RAB38: variants seen among roughly 807,000 people sequenced by gnomAD.
RAB38 encodes the protein ras-related protein Rab-38.
Under a neutral mutation model 18.4 loss-of-function variants are expected in RAB38, and 15 were observed. The ratio of observed to expected loss-of-function variants is 0.82; its 90% CI spans 0.55 to 1.26. The LOEUF is 1.26. Ranked by LOEUF, RAB38 falls within the 50% of genes most tolerant of loss-of-function variation. The pLI is 0.00. For missense variants in RAB38, 294 were observed against 267.4 expected, an observed-to-expected ratio of 1.10 and a Z score of -0.69; for synonymous variants, 101 against 104.4, an observed-to-expected ratio of 0.97 and a Z score of 0.20.
At chr11:88,025,137 C>T in the RAB38 span, among the ~76,000 whole-genome samples, 1 of 151,582 alleles carries the variant, frequency 6.6e-6, no homozygotes, top group African/African-American at 2.4e-5. Context: ...CTCATATTTA[C>T]ACCTACTATG....
rs1165051306 is a variant in RAB38, at chr11:88,149,969, GAAATAA to G, written c.203-20_203-15del. 1 of 1,580,102 alleles carries G rather than the reference GAAATAA, an allele frequency of 6.3e-7. No individual in the cohort carries two copies. The highest frequency in any genetic ancestry group is 8.6e-7 in the Non-Finnish European group (1 of 1,164,880). Reference sequence around the variant, plus strand: ...ATCTTTCTTGACCTGACACCAAAAAGAAATAAAAATAAAAATGTATTAAAATTGCAA... The same window carrying G: ...ATCTTTCTTGACCTGACACCAAAAAGAAATAAAAATGTATTAAAATTGCAA... On this transcript the variant is annotated splice_polypyrimidine_tract_variant and intron_variant, in intron 1 of 2. Transcript: ENST00000243662.
the RAB38 span, among the ~76,000 whole-genome samples, chr11:87,806,768 G>A: frequency 6.6e-6 from 1 of 152,182 alleles, no homozygotes; most frequent in Non-Finnish European, 1.5e-5. Flanking sequence ...ATTAATCAAT[G>A]TTGCACTGAG....
chr11:87,916,874 A>G, the RAB38 span, among the ~76,000 whole-genome samples: 1 of 152,172 alleles, frequency 6.6e-6, no homozygotes, highest in African/African-American at 2.4e-5. Context: ...GATGTTTTGT[A>G]TACATAGTGG....
At chr11:87,804,642 G>A in the RAB38 span, among the ~76,000 whole-genome samples, 2 of 151,794 alleles carry the variant, frequency 1.3e-5, no homozygotes, top group Middle Eastern at 3.2e-3. Flanking sequence ...TTTCAGTCTC[G>A]GAAGTAAGGC....
the RAB38 span, among the ~76,000 whole-genome samples, chr11:87,867,030 TATG>T: frequency 6.6e-6 from 1 of 151,786 alleles, no homozygotes; most frequent in Non-Finnish European, 1.5e-5. Flanking sequence ...TGAAATCAGT[TATG>T]ATGATGGTTG....
At chr11:88,109,869 C>A (rs184296255), downstream of RAB38, among the ~76,000 whole-genome samples, 1 of 152,120 alleles carries the variant, frequency 6.6e-6, no homozygotes, top group African/African-American at 2.4e-5. Flanking sequence ...CAGGAAACAA[C>A]GGATGCTGGA....
At chr11:88,154,701 G>A (rs1013053006) in intron 1 of RAB38, among the ~76,000 whole-genome samples, 4 of 152,198 alleles carry the variant, frequency 2.6e-5, no homozygotes, top group African/African-American at 9.6e-5. Flanking sequence ...TGTTCAGCTG[G>A]AGCAGTAGTC....
At chr11:88,025,207 T>C in the RAB38 span, among the ~76,000 whole-genome samples, 2 of 148,718 alleles carry the variant, frequency 1.3e-5, no homozygotes, top group African/African-American at 2.5e-5. Context: ...TATATTATAA[T>C]TATATTGTGT....
the RAB38 span, among the ~76,000 whole-genome samples, chr11:88,094,647 T>G: frequency 1.3e-5 from 2 of 151,834 alleles, no homozygotes; most frequent in African/African-American, 4.8e-5. Flanking sequence ...TATCAGACTT[T>G]CTTATTAAAT....
At chr11:87,913,778 C>T in the RAB38 span, among the ~76,000 whole-genome samples, 1 of 152,042 alleles carries the variant, frequency 6.6e-6, no homozygotes, top group South Asian at 2.1e-4. Context: ...GGTTTTGCCT[C>T]TTCGCATATA....
chr11:88,045,873 C>T, the RAB38 span, among the ~76,000 whole-genome samples: 1 of 152,170 alleles, frequency 6.6e-6, no homozygotes, highest in Non-Finnish European at 1.5e-5. Flanking sequence ...CTCCCCAACT[C>T]TGGTGTCAGC....
At chr11:87,975,800 T>G in the RAB38 span, among the ~76,000 whole-genome samples, 86 of 151,160 alleles carry the variant, frequency 5.7e-4, 1 homozygote, top group Admixed American at 8.0e-4. Context: ...AGCCAATAGC[T>G]CCTCAAAAGA....
chr11:87,824,989 AGAGAGT>A, the RAB38 span, among the ~76,000 whole-genome samples: 1 of 151,902 alleles, frequency 6.6e-6, no homozygotes, highest in South Asian at 2.1e-4. Context: ...AGAGAGAGAG[AGAGAGT>A]GAGTGTGTGT....
the RAB38 span, among the ~76,000 whole-genome samples, chr11:87,910,472 AT>A: frequency 6.6e-6 from 1 of 151,942 alleles, no homozygotes; most frequent in African/African-American, 2.4e-5. Flanking sequence ...ATAAAGTCAA[AT>A]TTTTTAATTC....
the RAB38 span, among the ~76,000 whole-genome samples, chr11:88,055,340 G>A: frequency 6.6e-6 from 1 of 152,176 alleles, no homozygotes; most frequent in African/African-American, 2.4e-5. Flanking sequence ...ATTATAATTT[G>A]TAAATCATCA....
At chr11:88,089,997 G>A in the RAB38 span, among the ~76,000 whole-genome samples, 2 of 151,862 alleles carry the variant, frequency 1.3e-5, no homozygotes, top group Non-Finnish European at 2.9e-5. Flanking sequence ...CCTCAGAACT[G>A]GGGGACTATA....
the RAB38 span, among the ~76,000 whole-genome samples, chr11:87,954,260 G>A: frequency 6.6e-6 from 1 of 152,118 alleles, no homozygotes; most frequent in Admixed American, 6.5e-5. Flanking sequence ...TGAACTCAGG[G>A]GTGAGCATGT....
chr11:88,023,156 TA>T, the RAB38 span, among the ~76,000 whole-genome samples: 10 of 151,228 alleles, frequency 6.6e-5, no homozygotes, highest in Admixed American at 2.6e-4. Context: ...ACATAAAAGT[TA>T]AAAAAAATGA....
chr11:87,882,509 T>C, the RAB38 span, among the ~76,000 whole-genome samples: 13,198 of 151,954 alleles, frequency 0.087, 758 homozygotes, highest in Middle Eastern at 0.13. Context: ...TAGTAGGTAA[T>C]GTAATATTCA....
Sources: gnomAD v4.1 joint callset for allele counts (sites outside exome capture counted in the v4.1 genomes callset) on GRCh38, gnomAD v4.1.1 for gene constraint, MANE v1.5 for transcripts, NCBI Gene and HGNC (gene_info 2026-07-23, HGNC 2026-07-21) for gene names.